Variants in CACNA2D3 observed in about 807,000 individuals in gnomAD.
CACNA2D3 encodes calcium voltage-gated channel auxiliary subunit alpha2delta 3.
In CACNA2D3, 60 loss-of-function variants were observed where a neutral mutation model predicts 160.6. That is an observed-to-expected ratio of 0.37 (90% CI 0.30 to 0.46). The LOEUF (loss-of-function observed/expected upper bound fraction) is 0.46. Ranked by LOEUF, CACNA2D3 falls within the 20% of genes least tolerant of loss-of-function variation. The pLI is 1.00. For synonymous variants in CACNA2D3, 558 were observed against 492.9 expected (o/e 1.13, Z -1.75); for missense variants, 1,205 against 1,365.0 (o/e 0.88, Z 1.85).
At chr3:55,062,369 C>T (rs1409247932) in intron 35 of CACNA2D3, among the ~76,000 whole-genome samples, 1 of 151,782 alleles carries the variant, frequency 6.6e-6, no homozygotes, top group Non-Finnish European at 1.5e-5. Flanking sequence ...CTTCCTTGGC[C>T]TCTCAAAGTG....
At chr3:54,412,811 C>T (rs1238169020) in intron 4 of CACNA2D3, among the ~76,000 whole-genome samples, 2 of 151,436 alleles carry the variant, frequency 1.3e-5, no homozygotes, top group Non-Finnish European at 3.0e-5. Context: ...TCTCTATTGT[C>T]TTTAAATCTA....
intron 2 of CACNA2D3, among the ~76,000 whole-genome samples, chr3:54,148,395 C>A (rs114541510): frequency 0.014 from 2,079 of 152,184 alleles, 19 homozygotes; most frequent in Non-Finnish European, 0.022. Context: ...GTGCAGGAGA[C>A]CTCAAAAAGG....
At chr3:54,948,851 C>A (rs1310005606) in intron 27 of CACNA2D3, among the ~76,000 whole-genome samples, 2 of 152,300 alleles carry the variant, frequency 1.3e-5, no homozygotes, top group East Asian at 3.9e-4. Context: ...CAACAACCAC[C>A]AAACTCAGAT....
At chr3:54,208,319 G>A (rs758378341) in intron 2 of CACNA2D3, among the ~76,000 whole-genome samples, 9 of 152,106 alleles carry the variant, frequency 5.9e-5, no homozygotes, top group Non-Finnish European at 1.0e-4. Flanking sequence ...TGTTGGTAAG[G>A]CTGGTCTCAA....
intron 13 of CACNA2D3, among the ~76,000 whole-genome samples, chr3:54,782,369 T>C (rs1266649880): frequency 6.6e-6 from 1 of 152,164 alleles, no homozygotes; most frequent in African/African-American, 2.4e-5. Context: ...ATTGTGAAGA[T>C]TTAAAAACAT....
intron 27 of CACNA2D3, among the ~76,000 whole-genome samples, chr3:54,949,323 G>A (rs750721682): frequency 6.6e-6 from 1 of 152,180 alleles, no homozygotes; most frequent in Non-Finnish European, 1.5e-5. Flanking sequence ...TGGTCTAGGT[G>A]TGGATAAGGA....
chr3:54,984,710 A>G, intron 30 of CACNA2D3, 40 bp downstream of exon 30: 1 of 1,294,602 alleles, frequency 7.7e-7, no homozygotes, highest in Non-Finnish European at 1.1e-6. Context: ...TAAGGATCTC[A>G]GAATGTGCTT....
At chr3:54,346,910 G>A (rs1488013161) in intron 3 of CACNA2D3, among the ~76,000 whole-genome samples, 3 of 152,132 alleles carry the variant, frequency 2.0e-5, no homozygotes, top group East Asian at 3.8e-4. Context: ...AATAAAATGT[G>A]CACAACATAA....
chr3:54,591,262 C>G (rs1575365720), intron 9 of CACNA2D3, among the ~76,000 whole-genome samples: 2 of 152,176 alleles, frequency 1.3e-5, no homozygotes, highest in African/African-American at 2.4e-5. Context: ...GAGTCATCCC[C>G]TCTCCCCAGC....
intron 13 of CACNA2D3, among the ~76,000 whole-genome samples, chr3:54,801,808 A>C (rs1702994267): frequency 6.6e-6 from 1 of 152,152 alleles, no homozygotes; most frequent in South Asian, 2.1e-4. Context: ...TGGAAGAAAA[A>C]AAAAATTGAA....
At chr3:54,240,363 C>T (rs577995388) in intron 2 of CACNA2D3, among the ~76,000 whole-genome samples, 1 of 152,100 alleles carries the variant, frequency 6.6e-6, no homozygotes, top group Non-Finnish European at 1.5e-5. Flanking sequence ...TGTTTCCTTC[C>T]AACCTTCCCA....
chr3:54,719,496 T>C (rs946361363), intron 11 of CACNA2D3, among the ~76,000 whole-genome samples: 1 of 152,072 alleles, frequency 6.6e-6, no homozygotes, highest in African/African-American at 2.4e-5. Context: ...ACATTCGTGG[T>C]ATAAATTCAA....
intron 11 of CACNA2D3, among the ~76,000 whole-genome samples, chr3:54,747,239 A>T (rs1373660529): frequency 8.6e-5 from 13 of 152,038 alleles, no homozygotes; most frequent in Admixed American, 8.5e-4. Context: ...GAACCTCGGG[A>T]GGGTGGGTGC....
In CACNA2D3 at chr3:54,169,204, A is replaced by T. The variant is rs1214381466; in HGVS notation, c.204+45610A>T. Among the ~76,000 whole-genome samples, 3 of 152,354 alleles carry T rather than the reference A, an allele frequency of 2.0e-5. No individual in the cohort carries two copies. In the South Asian group the frequency reaches 6.2e-4, roughly 32 times the overall value. ...ACAAGCAGCTTTTCAGATTTCTTCGAAAGTATCAAGGCTGAAATAGATCAG... is the reference window on the plus strand; with the variant it reads ...ACAAGCAGCTTTTCAGATTTCTTCGTAAGTATCAAGGCTGAAATAGATCAG... On this transcript the variant is annotated intron_variant, in intron 2 of 37. Transcript: ENST00000474759.
intron 3 of CACNA2D3, among the ~76,000 whole-genome samples, chr3:54,336,134 G>A (rs1408886143): frequency 1.3e-5 from 2 of 152,018 alleles, no homozygotes; most frequent in African/African-American, 2.4e-5. Context: ...TCTGCAGGGC[G>A]GCCCCAGTGG....
chr3:54,807,441 A>G (rs1375210991), intron 13 of CACNA2D3, among the ~76,000 whole-genome samples: 5 of 152,226 alleles, frequency 3.3e-5, no homozygotes, highest in Non-Finnish European at 7.3e-5. Context: ...GCAGCCAAAA[A>G]ACACATGAAA....
At chr3:54,647,644 A>G (rs72870635) in intron 11 of CACNA2D3, among the ~76,000 whole-genome samples, 11,848 of 152,218 alleles carry the variant, frequency 0.078, 707 homozygotes, top group African/African-American at 0.17. Context: ...TGGGGAACAG[A>G]CCAGGGGGGG....
At chr3:55,017,972 AT>A (rs1703363776) in intron 34 of CACNA2D3, among the ~76,000 whole-genome samples, 1 of 152,192 alleles carries the variant, frequency 6.6e-6, no homozygotes, top group Non-Finnish European at 1.5e-5. Context: ...AATTCTTGTG[AT>A]GCATAAATGA....
intron 2 of CACNA2D3, among the ~76,000 whole-genome samples, chr3:54,263,801 T>A (rs1393842138): frequency 6.6e-6 from 1 of 152,198 alleles, no homozygotes; most frequent in Non-Finnish European, 1.5e-5. Flanking sequence ...GAGATGATAA[T>A]GCTGAATACC....
Sources: allele counts gnomAD v4.1 joint callset (sites outside exome capture counted in the v4.1 genomes callset), GRCh38; gene constraint gnomAD v4.1.1; transcripts MANE v1.5; gene names NCBI Gene and HGNC (gene_info 2026-07-23, HGNC 2026-07-21).